The following FBLN5 variants were observed in gnomAD, a reference collection of about 807,000 sequenced individuals.
FBLN5 encodes fibulin-5.
FBLN5 carries 24 observed loss-of-function variants against 61.6 expected under a neutral mutation model. The observed-to-expected ratio is 0.39, with a 90% CI of 0.28 to 0.55. The LOEUF (loss-of-function observed/expected upper bound fraction) is 0.55, where lower values mean the gene tolerates loss of function less well. Ranked by LOEUF, FBLN5 falls within the 20% of genes least tolerant of loss-of-function variation. The pLI is 0.65. For synonymous variants in FBLN5, 213 were observed against 219.8 expected (o/e 0.97, Z 0.27); for missense variants, 470 against 594.1 (o/e 0.79, Z 2.17).
At chr14:91,907,420 CTT>C (rs1347785257) in intron 4 of FBLN5, among the ~76,000 whole-genome samples, 1 of 152,128 alleles carries the variant, frequency 6.6e-6, no homozygotes, top group Non-Finnish European at 1.5e-5. Flanking sequence ...TTCAAGGTCT[CTT>C]TGTTACAGTG....
At chr14:91,883,863 C>A (rs1339581569) in intron 7 of FBLN5, among the ~76,000 whole-genome samples, 1 of 152,130 alleles carries the variant, frequency 6.6e-6, no homozygotes, top group South Asian at 2.1e-4. Context: ...ACAACTCATC[C>A]GCATGGGCTA....
chr14:91,879,886 T>C (rs1160370172), intron 9 of FBLN5, among the ~76,000 whole-genome samples: 1 of 151,638 alleles, frequency 6.6e-6, no homozygotes, highest in Non-Finnish European at 1.5e-5. Flanking sequence ...CCATGCGGGG[T>C]TTGGTGTTGC....
At chr14:91,945,671 G>C (rs1166730158) in intron 1 of FBLN5, among the ~76,000 whole-genome samples, 6 of 152,160 alleles carry the variant, frequency 3.9e-5, no homozygotes, top group Non-Finnish European at 5.9e-5. Flanking sequence ...CTGACATCCA[G>C]AGGGAATAGG....
At chr14:91,920,843 A>G (rs2055721024) in intron 4 of FBLN5, among the ~76,000 whole-genome samples, 1 of 152,200 alleles carries the variant, frequency 6.6e-6, no homozygotes, top group African/African-American at 2.4e-5. Flanking sequence ...GGCCAAAGCA[A>G]TATCTTCAGG....
intron 4 of FBLN5, among the ~76,000 whole-genome samples, chr14:91,936,239 C>T (rs1167465433): frequency 1.3e-5 from 2 of 152,172 alleles, no homozygotes; most frequent in East Asian, 3.9e-4. Flanking sequence ...AATAAAACTT[C>T]AATTCATATA....
intron 4 of FBLN5, among the ~76,000 whole-genome samples, chr14:91,919,838 G>A (rs149250118): frequency 4.4e-4 from 67 of 152,302 alleles, no homozygotes; most frequent in African/African-American, 1.4e-3. Flanking sequence ...CCAGCAGAAC[G>A]AGGAGACAAT....
At chr14:91,892,264 G>A (rs1890027910) in intron 5 of FBLN5, among the ~76,000 whole-genome samples, 1 of 152,158 alleles carries the variant, frequency 6.6e-6, no homozygotes, top group African/African-American at 2.4e-5. Context: ...GTCTGAGATG[G>A]CACCAATACA....
chr14:91,880,338 G>A (rs1889364698), intron 9 of FBLN5, among the ~76,000 whole-genome samples: 1 of 152,186 alleles, frequency 6.6e-6, no homozygotes, highest in African/African-American at 2.4e-5. Flanking sequence ...CACCAGGTGA[G>A]TCCTATGAGT....
Position 91,915,734 on chromosome 14 carries a change from A to C in FBLN5, c.380-20662T>G, listed in dbSNP as rs531732950. Among the ~76,000 whole-genome samples, 29 of 151,648 alleles carry C rather than the reference A, an allele frequency of 1.9e-4. No individual in the cohort carries two copies. In the East Asian group the frequency reaches 5.4e-3, roughly 28 times the overall value. ...AAAGAAATCATATCAGTAGCTAAAAATCTTCCCACTCACACACCCAAAAAT... is the reference window on the plus strand; with the variant it reads ...AAAGAAATCATATCAGTAGCTAAAACTCTTCCCACTCACACACCCAAAAAT... On this transcript the variant is annotated intron_variant, in intron 4 of 10. Transcript: ENST00000342058.
chr14:91,878,042 A>G, intron 9 of FBLN5: 1 of 425,970 alleles, frequency 2.3e-6, no homozygotes. Flanking sequence ...TGTCTCAAAA[A>G]AACAAAACAA....
chr14:91,895,675 G>A (rs1173550308), intron 4 of FBLN5, among the ~76,000 whole-genome samples: 2 of 151,690 alleles, frequency 1.3e-5, no homozygotes, highest in Admixed American at 6.6e-5. Context: ...GCATGCGCCT[G>A]TAGTCCCAGC....
intron 4 of FBLN5, among the ~76,000 whole-genome samples, chr14:91,915,782 G>A (rs946513905): frequency 1.3e-5 from 2 of 150,588 alleles, no homozygotes; most frequent in African/African-American, 4.9e-5. Flanking sequence ...TGATCTTATA[G>A]GCAAATTCAA....
At chr14:91,941,052 T>G (rs80118832) in intron 2 of FBLN5, among the ~76,000 whole-genome samples, 1 of 152,160 alleles carries the variant, frequency 6.6e-6, no homozygotes, top group African/African-American at 2.4e-5. Flanking sequence ...AGGAATCATA[T>G]CTGCTGAGCC....
intron 1 of FBLN5, among the ~76,000 whole-genome samples, chr14:91,945,050 G>A (rs2056162108): frequency 6.6e-6 from 1 of 152,184 alleles, no homozygotes; most frequent in South Asian, 2.1e-4. Context: ...GGGCAACATG[G>A]TGAAACCCCG....
At position 91,870,185 on chromosome 14, in the gene FBLN5, TG is replaced by T; in HGVS notation, c.*38del. The stretch of plus-strand genomic sequence containing the variant: ...TTTCCTCTCTTCTCCTGTCCCTTGG[TG>T]CCAATGAGAGGCAGCGTCGGAGGCT... On this transcript the variant is annotated 3_prime_UTR_variant, in exon 11 of 11. Transcript: ENST00000342058. The T allele has an allele frequency of 6.3e-7, 1 of 1,597,146 alleles. No individual in the cohort carries two copies. The highest frequency in any genetic ancestry group is 8.6e-7 in the Non-Finnish European group (1 of 1,164,492).
At chr14:91,939,917 TAGA>T (rs374926198) in intron 3 of FBLN5, 37 of 453,330 alleles carry the variant, frequency 8.2e-5, no homozygotes, top group Admixed American at 5.2e-4. Context: ...TTCTTAAAAG[TAGA>T]AGAAGAAGAG....
intron 9 of FBLN5, among the ~76,000 whole-genome samples, chr14:91,878,514 C>G (rs144877069): frequency 6.6e-6 from 1 of 152,168 alleles, no homozygotes; most frequent in African/African-American, 2.4e-5. Context: ...TGTTGAGACG[C>G]GCGGTGGTGG....
chr14:91,916,695 T>C (rs929598649), intron 4 of FBLN5, among the ~76,000 whole-genome samples: 28 of 152,268 alleles, frequency 1.8e-4, no homozygotes, highest in African/African-American at 6.5e-4. Context: ...ACTGAGATAG[T>C]GCATCCTTTA....
Position 91,947,102 on chromosome 14 carries a change from T to C in FBLN5, c.17+111A>G, listed in dbSNP as rs2056196995. The stretch of plus-strand genomic sequence containing the variant: ...CATTGCATCACTAGCTCATGCCTTT[T>C]CCAATATCCTGACACCGCCTGAATC... On this transcript the variant is annotated intron_variant, in intron 1 of 10. Coordinates refer to ENST00000342058, the MANE Select transcript of FBLN5 (RefSeq NM_006329.4). The surrounding 1 kb of genome is among the most constrained non-coding windows in gnomAD (Gnocchi z 4.3). 6.4e-7 allele frequency: 1 copy of C among 1,568,502 alleles called. No homozygotes were observed. The highest frequency in any genetic ancestry group is 1.8e-5 in the Admixed American group (1 of 55,282).
Sources: gnomAD v4.1 joint callset for allele counts (sites outside exome capture counted in the v4.1 genomes callset) on GRCh38, gnomAD v4.1.1 for gene constraint, Gnocchi (gnomAD v3.1) non-coding constraint, MANE v1.5 for transcripts, NCBI Gene and HGNC (gene_info 2026-07-23, HGNC 2026-07-21) for gene names.